The following VAV3 variants were observed in gnomAD, a reference collection of about 807,000 sequenced individuals.
VAV3 encodes the protein guanine nucleotide exchange factor VAV3.
VAV3 carries 94 observed loss-of-function variants against 131.2 expected under a neutral mutation model. That is an observed-to-expected ratio of 0.72 (90% CI 0.61 to 0.85). The LOEUF (loss-of-function observed/expected upper bound fraction) is 0.85, where lower values mean the gene tolerates loss of function less well. VAV3 is among the 40% of genes least tolerant of loss of function. The pLI, the probability that VAV3 is intolerant of heterozygous loss-of-function variation, is 0.00. For missense variants in VAV3, 939 were observed against 1,002.7 expected, an observed-to-expected ratio of 0.94 and a Z score of 0.86; for synonymous variants, 349 against 342.0, an observed-to-expected ratio of 1.02 and a Z score of -0.22.
At chr1:107,630,551 AAAT>A (rs1269282234) in intron 20 of VAV3, among the ~76,000 whole-genome samples, 1 of 152,214 alleles carries the variant, frequency 6.6e-6, no homozygotes, top group Non-Finnish European at 1.5e-5. Context: ...ACACTCAGCA[AAAT>A]AAGCTATTAT....
At chr1:107,895,735 T>C (rs1190688974) in intron 1 of VAV3, among the ~76,000 whole-genome samples, 1 of 152,246 alleles carries the variant, frequency 6.6e-6, no homozygotes, top group Admixed American at 6.5e-5. Flanking sequence ...GTAGCATTTT[T>C]ATTAAATAGT....
At chr1:107,653,327 T>C (rs1409648132) in intron 19 of VAV3, among the ~76,000 whole-genome samples, 1 of 151,936 alleles carries the variant, frequency 6.6e-6, no homozygotes, top group African/African-American at 2.4e-5. Context: ...GAACAATCTC[T>C]CTACCCTTCT....
chr1:107,661,404 C>T (rs969263899), intron 19 of VAV3, among the ~76,000 whole-genome samples: 4 of 152,170 alleles, frequency 2.6e-5, no homozygotes, highest in Admixed American at 6.5e-5. Flanking sequence ...TCAAGGGCAC[C>T]GCCTCTGCAA....
At chr1:107,961,118 G>C (rs1675062269) in intron 1 of VAV3, among the ~76,000 whole-genome samples, 1 of 152,152 alleles carries the variant, frequency 6.6e-6, no homozygotes, top group African/African-American at 2.4e-5. Context: ...AATCCTTGAA[G>C]TCTGAATTAT....
At chr1:107,949,898 T>C (rs1471057947) in intron 1 of VAV3, among the ~76,000 whole-genome samples, 2 of 152,230 alleles carry the variant, frequency 1.3e-5, no homozygotes, top group Admixed American at 1.3e-4. Flanking sequence ...ACAGAATTAC[T>C]CTAGACCAAC....
chr1:107,777,156 A>G, intron 4 of VAV3, 75 bp downstream of exon 4: 1 of 1,326,096 alleles, frequency 7.5e-7, no homozygotes. Flanking sequence ...AGCTTACTTT[A>G]ACATCCACAG....
At chr1:107,741,719 T>C (rs1268259856) in intron 15 of VAV3, among the ~76,000 whole-genome samples, 1 of 152,160 alleles carries the variant, frequency 6.6e-6, no homozygotes, top group African/African-American at 2.4e-5. Flanking sequence ...TATGAGAATG[T>C]AGGTGGGCCT....
intron 2 of VAV3, among the ~76,000 whole-genome samples, chr1:107,821,715 G>C (rs1184497520): frequency 3.9e-5 from 6 of 152,216 alleles, no homozygotes; most frequent in Admixed American, 3.9e-4. Context: ...GAGATGAACT[G>C]TTAGAGGATA....
Position 107,759,571 on chromosome 1 carries a change from T to G in VAV3, c.1017+1213A>C, listed in dbSNP as rs72979665. Among the ~76,000 whole-genome samples the G allele has an allele frequency of 6.2e-3, 939 of 152,242 alleles. 9 individuals are homozygous for G. The highest frequency in any genetic ancestry group is 0.022 in the African/African-American group (894 of 41,566). On this transcript the variant is annotated intron_variant, in intron 10 of 26. Transcript: ENST00000370056. ...TGAGAGGGAAAAACATTTCTAGAAT[T>G]TTTACCTATGTGTAGTATCCAAATA...
chr1:107,577,818 G>A (rs1649760851), intron 25 of VAV3, among the ~76,000 whole-genome samples: 2 of 152,154 alleles, frequency 1.3e-5, no homozygotes, highest in African/African-American at 2.4e-5. Context: ...TTTTGGGAAA[G>A]AGAAATAATT....
At chr1:107,788,251 C>T (rs1398327564) in intron 2 of VAV3, among the ~76,000 whole-genome samples, 1 of 151,994 alleles carries the variant, frequency 6.6e-6, no homozygotes, top group Non-Finnish European at 1.5e-5. Flanking sequence ...ACCACCATTA[C>T]CACCATGCCA....
chr1:107,954,860 T>G (rs1344841451), intron 1 of VAV3, among the ~76,000 whole-genome samples: 3 of 152,160 alleles, frequency 2.0e-5, no homozygotes, highest in Non-Finnish European at 4.4e-5. Context: ...CTTAATGTTC[T>G]TATTCTAAGT....
intron 12 of VAV3, among the ~76,000 whole-genome samples, chr1:107,753,584 G>C (rs893383975): frequency 7.1e-6 from 1 of 140,938 alleles, no homozygotes; most frequent in Non-Finnish European, 1.5e-5. Flanking sequence ...GACAGAGTCA[G>C]AGTCTCGCTC....
intron 15 of VAV3, among the ~76,000 whole-genome samples, chr1:107,742,092 T>C (rs944712200): frequency 2.6e-5 from 4 of 152,212 alleles, no homozygotes; most frequent in Non-Finnish European, 5.9e-5. Flanking sequence ...AATCTAATGC[T>C]GCTGGTAGAG....
At chr1:107,718,390 A>G (rs1419221219) in intron 15 of VAV3, among the ~76,000 whole-genome samples, 3 of 152,202 alleles carry the variant, frequency 2.0e-5, no homozygotes, top group African/African-American at 7.2e-5. Flanking sequence ...CGCAAAAATC[A>G]CAAGCATTCC....
chr1:107,781,623 G>A (rs2102234241), intron 2 of VAV3, among the ~76,000 whole-genome samples: 1 of 152,244 alleles, frequency 6.6e-6, no homozygotes, highest in East Asian at 1.9e-4. Context: ...AAGAAGCAAA[G>A]GACATGGTGA....
At chr1:107,584,180 G>A (rs1355728039) in intron 25 of VAV3, among the ~76,000 whole-genome samples, 3 of 152,146 alleles carry the variant, frequency 2.0e-5, no homozygotes, top group African/African-American at 7.2e-5. Flanking sequence ...TTTAATAAAT[G>A]GTGCTGGGAA....
intron 17 of VAV3, among the ~76,000 whole-genome samples, chr1:107,700,567 C>G (rs1660051487): frequency 6.6e-6 from 1 of 152,180 alleles, no homozygotes; most frequent in African/African-American, 2.4e-5. Flanking sequence ...GTTTTCTGTT[C>G]CTGCATTAGT....
rs370313126 is a variant in VAV3, at chr1:107,768,428, T to C, written c.717+13A>G. 8.1e-6 allele frequency: 13 copies of C among 1,606,364 alleles called. No individual in the cohort carries two copies. The highest frequency in any genetic ancestry group is 1.7e-4 in the Middle Eastern group (1 of 6,056). On this transcript the variant is annotated intron_variant, in intron 7 of 26. Coordinates refer to ENST00000370056, the MANE Select transcript of VAV3 (RefSeq NM_006113.5). Reference sequence around the variant, plus strand: ...AAGTACACCACAATTTTAGCTAGCATATTTTTACTCACAGGAATGTTGATG... The same window carrying C: ...AAGTACACCACAATTTTAGCTAGCACATTTTTACTCACAGGAATGTTGATG...
Sources: gnomAD v4.1 joint callset for allele counts (sites outside exome capture counted in the v4.1 genomes callset) on GRCh38, gnomAD v4.1.1 for gene constraint, MANE v1.5 for transcripts, NCBI Gene and HGNC (gene_info 2026-07-23, HGNC 2026-07-21) for gene names.